SLC6A19: variants seen among roughly 807,000 people sequenced by gnomAD.
SLC6A19 encodes sodium-dependent neutral amino acid transporter B(0)AT1.
A neutral mutation model predicts 68.3 loss-of-function variants in SLC6A19; 67 were observed. The observed-to-expected ratio is 0.98, with a 90% confidence interval of 0.81 to 1.20. The LOEUF (loss-of-function observed/expected upper bound fraction) is 1.20. SLC6A19 is among the 50% of genes most tolerant of loss of function. The pLI is 0.00. For missense variants in SLC6A19, 813 were observed against 851.6 expected, an observed-to-expected ratio of 0.95 and a Z score of 0.56; for synonymous variants, 392 against 374.9, an observed-to-expected ratio of 1.05 and a Z score of -0.53.
chr5:1,204,911 G>A (rs1745810291), intron 1 of SLC6A19, among the ~76,000 whole-genome samples: 1 of 124,668 alleles, frequency 8.0e-6, no homozygotes. Flanking sequence ...ACCTGCTGGA[G>A]AGAGAAAAAA....
At position 1,215,640 on chromosome 5, in the gene SLC6A19, T is replaced by C. The variant is rs1387336800; in HGVS notation, c.888-918T>C. 1.3e-5 allele frequency among the ~76,000 whole-genome samples: 2 copies of C among 152,252 alleles called. No homozygotes were observed. Among genetic ancestry groups the C allele is most frequent in the Non-Finnish European group, 2.9e-5 (2 of 68,052 alleles). ...GTGTGCATGGGCTACGGTTTGTGCATATCCATCCATGGACATTTTCCACGT... is the reference window on the plus strand; with the variant it reads ...GTGTGCATGGGCTACGGTTTGTGCACATCCATCCATGGACATTTTCCACGT... On this transcript the variant is annotated intron_variant, in intron 6 of 11. Transcript: ENST00000304460. The surrounding 1 kb of genome is among the most constrained non-coding windows in gnomAD (Gnocchi z 5.1).
intron 3 of SLC6A19, among the ~76,000 whole-genome samples, chr5:1,210,958 G>A (rs1255093044): frequency 1.3e-5 from 2 of 152,228 alleles, no homozygotes; most frequent in Admixed American, 6.5e-5. Flanking sequence ...GCACAGGTGG[G>A]TCTGTCCTGC....
chr5:1,204,193 T>C (rs984632940), intron 1 of SLC6A19, among the ~76,000 whole-genome samples: 10 of 152,286 alleles, frequency 6.6e-5, no homozygotes, highest in African/African-American at 2.2e-4. Flanking sequence ...TGTCTGGGAT[T>C]GTCCTTCGAG....
intron 5 of SLC6A19, 99 bp from the exon 6 acceptor site, chr5:1,213,854 A>C: frequency 1.3e-6 from 2 of 1,582,240 alleles, no homozygotes; most frequent in Non-Finnish European, 8.6e-7. Context: ...TGACCACCCC[A>C]ATAGCCTCGA....
Position 1,214,836 on chromosome 5 carries a change from G to A in SLC6A19, c.887+771G>A, listed in dbSNP as rs1746161116. On this transcript the variant is annotated intron_variant, in intron 6 of 11. Coordinates refer to ENST00000304460, the MANE Select transcript of SLC6A19 (RefSeq NM_001003841.3). This position sits in a 1 kb window ranked among gnomAD's most constrained non-coding sequence, Gnocchi z 7.4. ...GGCAGGGCCTGGGTAGGGAGGGTGG[G>A]GCCTAGACTGGACGGGGGCCTGGGT... 7.0e-6 allele frequency among the ~76,000 whole-genome samples: 1 copy of A among 142,752 alleles called. No individual in the cohort carries two copies. The highest frequency in any genetic ancestry group is 1.6e-5 in the Non-Finnish European group (1 of 64,224). The allele number at this position is 142,752 out of a possible 152,430, so 93.7% of individuals were successfully genotyped here. A position where few individuals can be genotyped will look rare whatever the true frequency, so the allele number is the denominator to read the frequency against.
At chr5:1,220,529 C>T (rs1381185681) in intron 10 of SLC6A19, among the ~76,000 whole-genome samples, 4 of 151,952 alleles carry the variant, frequency 2.6e-5, no homozygotes, top group East Asian at 1.9e-4. Flanking sequence ...GTTTGCAGGA[C>T]GCAAGGGCAG....
At chr5:1,207,340 G>A (rs1745883880) in intron 1 of SLC6A19, among the ~76,000 whole-genome samples, 1 of 152,204 alleles carries the variant, frequency 6.6e-6, no homozygotes, top group Non-Finnish European at 1.5e-5. Context: ...GCTGAGCTGG[G>A]AGGCCGTACG....
Position 1,221,592 on chromosome 5 carries a change from C to T in SLC6A19, c.1702-109C>T. The T allele has an allele frequency of 2.1e-6, 3 of 1,409,436 alleles. No homozygotes were observed. In the South Asian group the frequency reaches 3.6e-5, roughly 17 times the overall value. 87.3% of individuals were successfully genotyped at this position (1,409,436 alleles called of 1,614,324 possible). On this transcript the variant is annotated intron_variant, in intron 11 of 11. Coordinates refer to ENST00000304460, the MANE Select transcript of SLC6A19 (RefSeq NM_001003841.3). ...GCTGGAGGAGCCCCAGGCCACCCTG[C>T]CTGCCCCACAGGACAGGAGGTGAGA...
At chr5:1,216,988 T>C in intron 8 of SLC6A19, 43 bp downstream of exon 8, 1 of 1,610,412 alleles carries the variant, frequency 6.2e-7, no homozygotes, top group South Asian at 1.1e-5. Flanking sequence ...GGGCACCCCT[T>C]GCTGGCACCT....
intron 3 of SLC6A19, among the ~76,000 whole-genome samples, chr5:1,211,660 G>A (rs1579512066): frequency 1.3e-5 from 2 of 152,296 alleles, no homozygotes; most frequent in South Asian, 4.2e-4. Flanking sequence ...GCATGCATGT[G>A]TGTGCACGTG....
In SLC6A19 at chr5:1,221,284, C is replaced by G; in HGVS notation, c.1672C>G (p.Leu558Val). The G allele has an allele frequency of 1.2e-6, 2 of 1,613,988 alleles. No homozygotes were observed. The highest frequency in any genetic ancestry group is 1.7e-6 in the Non-Finnish European group (2 of 1,180,032). Residue 558 changes from leucine (L) to valine (V), a missense_variant, in exon 11 of 12, where the codon CTG (leucine) becomes GTG (valine). Physicochemically the swap from Leu to Val is conservative, Grantham distance 32 (BLOSUM62 1). Transcript: ENST00000304460. ...FFFVVEVSQELTYSIWDPGYE... is the reference protein window; with the variant it reads ...FFFVVEVSQEVTYSIWDPGYE... ...CTTCGTGGTAGAGGTCAGTCAGGAG[C>G]TGACCTACAGCATCTGGGACCCTGG...
Position 1,222,604 on chromosome 5 carries a change from T to A in SLC6A19, c.*700T>A, listed in dbSNP as rs879433890. On this transcript the variant is annotated 3_prime_UTR_variant, in exon 12 of 12. Transcript: ENST00000304460. ...TGTATATGTGTGTGATGTGTGCTCG[T>A]GTGTGTGCATATTCAGGCAGGTGTG... is the stretch of plus-strand genomic sequence containing the variant. 2.9e-5 allele frequency: 9 copies of A among 312,094 alleles called. No homozygotes were observed. The highest frequency in any genetic ancestry group is 4.8e-5 in the Admixed American group (1 of 20,732). The allele number at this position is 312,094 out of a possible 1,614,324, so 19.3% of individuals were successfully genotyped here. A position where few individuals can be genotyped will look rare whatever the true frequency, so the allele number is the denominator to read the frequency against.
chr5:1,212,269 G>T lies in SLC6A19; in HGVS notation c.482-34G>T, dbSNP rs376867554. 2 of 1,611,244 alleles carry T rather than the reference G, an allele frequency of 1.2e-6. No individual in the cohort carries two copies. The highest frequency in any genetic ancestry group is 1.7e-5 in the Admixed American group (1 of 60,004). ...TCCATTCTCCTCCCTTGGGGGACCC[G>T]TACCCTGAGGTGTGTGAATGGCCCT... On this transcript the variant is annotated intron_variant, in intron 3 of 11. Coordinates refer to ENST00000304460, the MANE Select transcript of SLC6A19 (RefSeq NM_001003841.3). This position sits in a 1 kb window ranked among gnomAD's most constrained non-coding sequence, Gnocchi z 5.1.
chr5:1,204,766 C>T (rs1273955224), intron 1 of SLC6A19, among the ~76,000 whole-genome samples: 1 of 152,224 alleles, frequency 6.6e-6, no homozygotes, highest in East Asian at 1.9e-4. Context: ...GACCATGTGG[C>T]GCCAGCACAG....
At chr5:1,219,719 G>A in intron 10 of SLC6A19, 55 bp downstream of exon 10, 1 of 1,596,636 alleles carries the variant, frequency 6.3e-7, no homozygotes. Flanking sequence ...AGGTCACAGG[G>A]CGTTCCTGTG....
At chr5:1,205,018 G>A (rs1036294114) in intron 1 of SLC6A19, among the ~76,000 whole-genome samples, 4 of 152,188 alleles carry the variant, frequency 2.6e-5, no homozygotes, top group African/African-American at 9.6e-5. Context: ...AACTGTTTCT[G>A]TGCCCAGTGT....
At position 1,223,138 on chromosome 5, in the gene SLC6A19, C is replaced by G. The variant is rs1276213010; in HGVS notation, c.*1234C>G. 1.3e-5 allele frequency: 2 copies of G among 152,246 alleles called. No individual in the cohort carries two copies. Among genetic ancestry groups the G allele is most frequent in the Admixed American group, 6.5e-5 (1 of 15,290 alleles). 9.4% of individuals were successfully genotyped at this position (152,246 alleles called of 1,614,324 possible). ...GGCCGCATCCACCGGGGCCCTGCCT[C>G]CAGTCGGCCGCTGCCGAGTCTCTGC... On this transcript the variant is annotated 3_prime_UTR_variant, in exon 12 of 12. Transcript: ENST00000304460.
intron 10 of SLC6A19, 21 bp from the exon 11 acceptor site, chr5:1,221,130 A>C (rs1438025766): frequency 1.2e-6 from 2 of 1,611,660 alleles, no homozygotes; most frequent in South Asian, 2.2e-5. Flanking sequence ...CAGCAGTGAC[A>C]GCTGTCTCTG....
chr5:1,204,902 C>G (rs887833923), intron 1 of SLC6A19, among the ~76,000 whole-genome samples: 3 of 131,560 alleles, frequency 2.3e-5, no homozygotes, highest in Non-Finnish European at 5.4e-5. Context: ...ACAAACACCA[C>G]CTGCTGGAGA....
Sources: allele counts gnomAD v4.1 joint callset (sites outside exome capture counted in the v4.1 genomes callset), GRCh38; gene constraint gnomAD v4.1.1; non-coding constraint Gnocchi (gnomAD v3.1); transcripts MANE v1.5; gene names NCBI Gene and HGNC (gene_info 2026-07-23, HGNC 2026-07-21).